The following CFAP44 variants were observed in gnomAD, a reference collection of about 807,000 sequenced individuals.
The protein encoded by CFAP44 is cilia- and flagella-associated protein 44.
CFAP44 carries 134 observed loss-of-function variants against 216.2 expected under a neutral mutation model. That is an observed-to-expected ratio of 0.62 (90% CI 0.54 to 0.72). The LOEUF is 0.72. CFAP44 is among the 30% of genes least tolerant of loss of function. CFAP44 has a pLI of 0.00. For synonymous variants in CFAP44, 700 were observed against 727.6 expected (o/e 0.96, Z 0.61); for missense variants, 2,035 against 2,182.1 (o/e 0.93, Z 1.34).
At chr3:113,396,445 T>A in intron 14 of CFAP44, 73 bp downstream of exon 14, 1 of 1,456,478 alleles carries the variant, frequency 6.9e-7, no homozygotes, top group Non-Finnish European at 9.4e-7. Context: ...TAAGACATGA[T>A]GAAGTAGGAG....
chr3:113,359,453 T>G (rs1044021717), intron 21 of CFAP44, among the ~76,000 whole-genome samples: 2 of 152,218 alleles, frequency 1.3e-5, no homozygotes, highest in Non-Finnish European at 2.9e-5. Context: ...TTCAGAGGTG[T>G]TTGTGTGTCA....
chr3:113,302,772 C>CAAAAAAAAA (rs57355375), intron 32 of CFAP44, among the ~76,000 whole-genome samples: 10 of 44,462 alleles, frequency 2.2e-4, no homozygotes, highest in East Asian at 5.3e-4. Flanking sequence ...GACTCCATCT[C>CAAAAAAAAA]AAAAAAAAAA....
chr3:113,431,147 G>T (rs189338961), intron 2 of CFAP44, among the ~76,000 whole-genome samples: 1 of 152,064 alleles, frequency 6.6e-6, no homozygotes, highest in Non-Finnish European at 1.5e-5. Context: ...TTTCAGGGGT[G>T]GGGGGAATGC....
intron 15 of CFAP44, among the ~76,000 whole-genome samples, chr3:113,385,016 T>A (rs1933608934): frequency 6.6e-6 from 1 of 152,194 alleles, no homozygotes; most frequent in Admixed American, 6.5e-5. Flanking sequence ...GGTAATCGGA[T>A]CATTGGGGCA....
chr3:113,338,488 T>C (rs1190008100), intron 24 of CFAP44, among the ~76,000 whole-genome samples: 1 of 151,904 alleles, frequency 6.6e-6, no homozygotes, highest in Admixed American at 6.6e-5. Flanking sequence ...ACTAAAAATA[T>C]ATAGATGGCA....
intron 27 of CFAP44, among the ~76,000 whole-genome samples, 181 bp from the exon 28 acceptor site, chr3:113,326,821 T>C (rs190512930): frequency 6.6e-6 from 1 of 152,278 alleles, no homozygotes; most frequent in East Asian, 1.9e-4. Flanking sequence ...TTATAATTCC[T>C]TTGTAAAAAT....
At chr3:113,411,906 T>G (rs1364808146) in intron 6 of CFAP44, among the ~76,000 whole-genome samples, 1 of 149,942 alleles carries the variant, frequency 6.7e-6, no homozygotes. Context: ...TTGAAGCAAT[T>G]GTGAATGGGA....
chr3:113,403,909 G>A lies in CFAP44; in HGVS notation c.1113C>T (p.Asn371=). The stretch of plus-strand genomic sequence containing the variant: ...CTTCACCCTCATACAGCATTATCTG[G>A]TTAATGGGACCATTGTGACATGACT... ...TSKSCHNGPI[N]QIMLYEGEVI... is the part of the protein sequence containing the mutation. Residue 371 remains asparagine (N), a synonymous_variant, in exon 9 of 35, where the codon AAC becomes AAT. Transcript: ENST00000393845. 1 of 1,614,112 alleles carries A rather than the reference G, an allele frequency of 6.2e-7. No individual in the cohort carries two copies. The highest frequency in any genetic ancestry group is 2.2e-5 in the East Asian group (1 of 44,874).
intron 21 of CFAP44, 73 bp from the exon 22 acceptor site, chr3:113,358,948 C>T (rs1269416003): frequency 6.8e-7 from 1 of 1,466,130 alleles, no homozygotes; most frequent in Non-Finnish European, 9.0e-7. Context: ...AGTTTTGTCC[C>T]CAGTTTCATG....
At chr3:113,350,968 G>C (rs1950439179) in intron 22 of CFAP44, among the ~76,000 whole-genome samples, 1 of 152,194 alleles carries the variant, frequency 6.6e-6, no homozygotes, top group Non-Finnish European at 1.5e-5. Flanking sequence ...CTCCCTTCAG[G>C]ACAGGACAAT....
At chr3:113,308,744 T>A (rs1291631575) in intron 28 of CFAP44, among the ~76,000 whole-genome samples, 1 of 152,052 alleles carries the variant, frequency 6.6e-6, no homozygotes, top group Non-Finnish European at 1.5e-5. Context: ...GCACACACCA[T>A]TATGCCCAGC....
intron 7 of CFAP44, 73 bp downstream of exon 7, chr3:113,409,033 T>TAA: frequency 1.9e-6 from 1 of 527,070 alleles, no homozygotes; most frequent in Non-Finnish European, 3.1e-6. Context: ...AAAAAAAGTC[T>TAA]CCAGCTCTTA....
At chr3:113,408,903 G>C (rs73237128) in intron 7 of CFAP44, among the ~76,000 whole-genome samples, 1,568 of 141,074 alleles carry the variant, frequency 0.011, 27 homozygotes, top group Middle Eastern at 0.016. Flanking sequence ...TATCTATGCT[G>C]TTTGCAGAAA....
chr3:113,413,418 G>A lies in CFAP44; in HGVS notation c.673+3107C>T, dbSNP rs1236176326. On this transcript the variant is annotated intron_variant, in intron 6 of 34. Coordinates refer to ENST00000393845, the MANE Select transcript of CFAP44 (RefSeq NM_001164496.2). Reference sequence around the variant, plus strand: ...TTTGGCTTTTGTTGCAATTGCTTTTGGCTTTTTTGTCATGAAGTCTTTGCC... The same window carrying A: ...TTTGGCTTTTGTTGCAATTGCTTTTAGCTTTTTTGTCATGAAGTCTTTGCC... Among the ~76,000 whole-genome samples the A allele has an allele frequency of 2.0e-5, 3 of 152,144 alleles. No homozygotes were observed. In the East Asian group the frequency reaches 5.8e-4, roughly 29 times the overall value.
chr3:113,375,922 AT>A (rs1278860600), intron 17 of CFAP44, among the ~76,000 whole-genome samples: 2 of 152,160 alleles, frequency 1.3e-5, no homozygotes, highest in East Asian at 3.8e-4. Flanking sequence ...TGTGGAAAAA[AT>A]TACCTAATCA....
chr3:113,391,562 T>C (rs1933840629), intron 15 of CFAP44, among the ~76,000 whole-genome samples: 1 of 152,166 alleles, frequency 6.6e-6, no homozygotes, highest in South Asian at 2.1e-4. Flanking sequence ...GAATTTCTTT[T>C]AATTCTCTTC....
At chr3:113,361,546 G>A (rs1454351155) in intron 21 of CFAP44, among the ~76,000 whole-genome samples, 14 of 149,048 alleles carry the variant, frequency 9.4e-5, no homozygotes, top group Admixed American at 8.1e-4. Flanking sequence ...CCAGGCTGGA[G>A]TGCAGTGACG....
chr3:113,412,432 CAT>C (rs759747422), intron 6 of CFAP44, among the ~76,000 whole-genome samples: 84 of 151,364 alleles, frequency 5.5e-4, no homozygotes, highest in Non-Finnish European at 8.8e-4. Context: ...AAAAAAGATA[CAT>C]GTGCAGAACG....
intron 2 of CFAP44, among the ~76,000 whole-genome samples, chr3:113,431,340 C>T (rs2107412304): frequency 6.6e-6 from 1 of 152,104 alleles, no homozygotes; most frequent in East Asian, 1.9e-4. Flanking sequence ...AAGGTCTGCG[C>T]CTAACAGCAT....
Sources: allele counts gnomAD v4.1 joint callset (sites outside exome capture counted in the v4.1 genomes callset), GRCh38; gene constraint gnomAD v4.1.1; transcripts MANE v1.5; gene names NCBI Gene and HGNC (gene_info 2026-07-23, HGNC 2026-07-21).